The following SH3KBP1 variants were observed in gnomAD, a reference collection of about 807,000 sequenced individuals.
The protein encoded by SH3KBP1 is SH3 domain containing kinase binding protein 1, also known as SH3 domain-containing kinase-binding protein 1.
A neutral mutation model predicts 50.1 loss-of-function variants in SH3KBP1; 8 were observed. That is an observed-to-expected ratio of 0.16 (90% CI 0.09 to 0.29). The LOEUF is 0.29. SH3KBP1 is among the 10% of genes least tolerant of loss of function. The probability of loss-of-function intolerance (pLI) is 1.00; values close to 1 mark genes in which losing one functional copy is unlikely to be tolerated. For synonymous variants in SH3KBP1, 227 were observed against 218.6 expected (o/e 1.04, Z -0.34); for missense variants, 377 against 535.2 (o/e 0.70, Z 2.92).
chrX:19,567,473 C>T (rs867896286), intron 13 of SH3KBP1, among the ~76,000 whole-genome samples: 10 of 75,809 alleles, frequency 1.3e-4, no homozygotes, highest in Non-Finnish European at 2.3e-4. Context: ...GAGCCGAGAT[C>T]GTACCACTGC....
chrX:19,801,850 C>T (rs900933068), intron 2 of SH3KBP1, among the ~76,000 whole-genome samples: 1 of 111,718 alleles, frequency 9.0e-6, no homozygotes, highest in Non-Finnish European at 1.9e-5. Context: ...CTGAGGTGGG[C>T]GGATCCCTTG....
At position 19,678,163 on chromosome X, in the gene SH3KBP1, G is replaced by A. The variant is rs191019102; in HGVS notation, c.726+5660C>T. 5.4e-5 allele frequency among the ~76,000 whole-genome samples: 6 copies of A among 111,691 alleles called. No homozygotes were observed. The East Asian group carries it at 1.7e-3, about 31-fold the overall frequency. On this transcript the variant is annotated intron_variant, in intron 6 of 17. Coordinates refer to ENST00000397821, the MANE Select transcript of SH3KBP1 (RefSeq NM_031892.3). ...TTCCAACTTTGCCTTCATCAGTAAT[G>A]ACACTGAAATAAAACGTATGCACAG...
intron 12 of SH3KBP1, among the ~76,000 whole-genome samples, chrX:19,584,283 ATATATT>A (rs1404007945): frequency 5.3e-5 from 5 of 95,190 alleles, no homozygotes; most frequent in East Asian, 3.0e-4. Context: ...ATATATATAA[ATATATT>A]TATATTTATA....
chrX:19,762,952 A>G (rs2065477226), intron 2 of SH3KBP1, among the ~76,000 whole-genome samples: 1 of 112,095 alleles, frequency 8.9e-6, no homozygotes, highest in African/African-American at 3.2e-5. Context: ...TATACCTCAT[A>G]CGCTCCTGCC....
intron 9 of SH3KBP1, among the ~76,000 whole-genome samples, chrX:19,607,251 G>A (rs974359633): frequency 1.8e-5 from 2 of 112,188 alleles, no homozygotes; most frequent in African/African-American, 6.5e-5. Context: ...CAAAAGCCTG[G>A]GCAAAGAACC....
chrX:19,700,564 A>G (rs1236110500), intron 4 of SH3KBP1, among the ~76,000 whole-genome samples: 2 of 112,425 alleles, frequency 1.8e-5, no homozygotes, highest in East Asian at 5.5e-4. Flanking sequence ...TACTTCTTCT[A>G]GAACTTCATA....
At chrX:19,724,219 G>GA (rs1219824322) in intron 3 of SH3KBP1, among the ~76,000 whole-genome samples, 2 of 109,218 alleles carry the variant, frequency 1.8e-5, no homozygotes, top group Non-Finnish European at 3.8e-5. Context: ...ATCCTGAGGC[G>GA]AAAAAAAATG....
At chrX:19,719,874 TAATAAC>T (rs2064009909) in intron 3 of SH3KBP1, among the ~76,000 whole-genome samples, 1 of 102,788 alleles carries the variant, frequency 9.7e-6, no homozygotes, top group African/African-American at 3.7e-5. Flanking sequence ...ATAATAATAA[TAATAAC>T]AATAATAATA....
At chrX:19,740,758 C>T (rs1443961854) in intron 3 of SH3KBP1, 1 of 328,772 alleles carries the variant, frequency 3.0e-6, no homozygotes, top group Non-Finnish European at 6.1e-6. Flanking sequence ...TAAGGACATA[C>T]TTCTTTCCAT....
chrX:19,722,782 A>G (rs1310415139), intron 3 of SH3KBP1, among the ~76,000 whole-genome samples: 1 of 107,797 alleles, frequency 9.3e-6, no homozygotes, highest in Non-Finnish European at 1.9e-5. Flanking sequence ...TATGGTCAGC[A>G]TGGCCAGCTG....
intron 2 of SH3KBP1, among the ~76,000 whole-genome samples, chrX:19,761,205 G>T (rs1302563784): frequency 1.4e-5 from 1 of 69,857 alleles, no homozygotes; most frequent in Non-Finnish European, 2.7e-5. Context: ...GAGGAGGGAG[G>T]GGGGGAAGAG....
chrX:19,873,960 G>T (rs1296605302), intron 1 of SH3KBP1, among the ~76,000 whole-genome samples: 2 of 98,641 alleles, frequency 2.0e-5, no homozygotes, highest in Non-Finnish European at 4.0e-5. Context: ...GAGGCGGGGG[G>T]ATCCCTTGAA....
chrX:19,700,975 T>C (rs2063524554), intron 4 of SH3KBP1, among the ~76,000 whole-genome samples: 1 of 112,164 alleles, frequency 8.9e-6, no homozygotes, highest in African/African-American at 3.2e-5. Flanking sequence ...TGTAGAGTAA[T>C]TGGAAGGGAA....
chrX:19,674,160 A>C (rs1026406910), intron 6 of SH3KBP1, among the ~76,000 whole-genome samples: 2 of 111,653 alleles, frequency 1.8e-5, no homozygotes, highest in Admixed American at 1.9e-4. Context: ...CAAAGCATTA[A>C]ATGAGAAACC....
rs773098443 is a variant in SH3KBP1, at chrX:19,683,958, G to A, written c.591C>T (p.Asn197=). ...DSSSTKSEGA[N]GTVATAAIQP... Reference sequence around the variant, plus strand: ...GGATTGCTGCAGTTGCCACTGTCCCGTTGGCACCTTCAGACTTGGTGCTGC... The same window carrying A: ...GGATTGCTGCAGTTGCCACTGTCCCATTGGCACCTTCAGACTTGGTGCTGC... The change falls in exon 6 of 18, where the codon AAC becomes AAT. Residue 197 remains asparagine (N), a synonymous_variant. Transcript: ENST00000397821. 1.2e-5 allele frequency: 14 copies of A among 1,208,487 alleles called. No individual in the cohort carries two copies. Among genetic ancestry groups the A allele is most frequent in the South Asian group, 5.3e-5 (3 of 56,774 alleles).
intron 12 of SH3KBP1, among the ~76,000 whole-genome samples, chrX:19,587,023 G>T (rs767741787): frequency 9.1e-6 from 1 of 110,406 alleles, no homozygotes; most frequent in African/African-American, 3.3e-5. Flanking sequence ...GGGAGTTTGA[G>T]ACCAGCCTGA....
intron 6 of SH3KBP1, among the ~76,000 whole-genome samples, chrX:19,646,455 A>C (rs1569377248): frequency 8.9e-6 from 1 of 111,822 alleles, no homozygotes; most frequent in African/African-American, 3.3e-5. Flanking sequence ...CCTGAGGGAA[A>C]ATGTCTATTG....
chrX:19,659,435 A>AT (rs5901658), intron 6 of SH3KBP1, among the ~76,000 whole-genome samples: 19,574 of 106,420 alleles, frequency 0.18, 1,665 homozygotes, highest in African/African-American at 0.29. Flanking sequence ...CTAATTTTTA[A>AT]TTTTTTTTTC....
intron 13 of SH3KBP1, among the ~76,000 whole-genome samples, chrX:19,567,541 A>T (rs1355390344): frequency 3.6e-4 from 25 of 69,730 alleles, no homozygotes; most frequent in African/African-American, 1.7e-3. Flanking sequence ...AAAAAAAAAA[A>T]AAAAAAAAAA....
Sources: gnomAD v4.1 joint callset for allele counts (sites outside exome capture counted in the v4.1 genomes callset) on GRCh38, gnomAD v4.1.1 for gene constraint, MANE v1.5 for transcripts, NCBI Gene and HGNC (gene_info 2026-07-23, HGNC 2026-07-21) for gene names.